CADPS: variants seen among roughly 807,000 people sequenced by gnomAD.
CADPS encodes the protein calcium dependent secretion activator.
A neutral mutation model predicts 167.3 loss-of-function variants in CADPS; 57 were observed. That is an observed-to-expected ratio of 0.34 (90% CI 0.28 to 0.42). The LOEUF is 0.42. Among genes scored for constraint, CADPS ranks in the 20% least tolerant of loss-of-function variants. The pLI, the probability that CADPS is intolerant of heterozygous loss-of-function variation, is 1.00. For missense variants in CADPS, 1,414 were observed against 1,738.1 expected (o/e 0.81, Z 3.32); for synonymous variants, 676 against 635.3 (o/e 1.06, Z -0.96).
chr3:62,677,165 G>A (rs2076458959), intron 3 of CADPS, among the ~76,000 whole-genome samples: 1 of 151,986 alleles, frequency 6.6e-6, no homozygotes, highest in South Asian at 2.1e-4. Context: ...CAAAGCTGCA[G>A]AAATTCAGGA....
At chr3:62,773,598 C>T (rs2089494107) in intron 1 of CADPS, among the ~76,000 whole-genome samples, 1 of 152,108 alleles carries the variant, frequency 6.6e-6, no homozygotes, top group Non-Finnish European at 1.5e-5. Flanking sequence ...TCCCCATGTA[C>T]TAACTGTACT....
At chr3:62,710,908 G>C (rs1250416779) in intron 3 of CADPS, among the ~76,000 whole-genome samples, 1 of 152,134 alleles carries the variant, frequency 6.6e-6, no homozygotes, top group African/African-American at 2.4e-5. Flanking sequence ...TTTAATTCCT[G>C]TCTTATGACT....
chr3:62,679,629 T>C (rs2076837349), intron 3 of CADPS, among the ~76,000 whole-genome samples: 1 of 151,930 alleles, frequency 6.6e-6, no homozygotes, highest in Non-Finnish European at 1.5e-5. Flanking sequence ...GGAGAGGAGA[T>C]TGCACTCACC....
intron 3 of CADPS, among the ~76,000 whole-genome samples, chr3:62,691,754 G>T (rs1289444084): frequency 2.0e-5 from 3 of 151,906 alleles, no homozygotes; most frequent in African/African-American, 7.3e-5. Context: ...ACATAGCAGG[G>T]CAACACACAC....
intron 9 of CADPS, 66 bp downstream of exon 9, chr3:62,570,806 A>G: frequency 9.2e-7 from 1 of 1,089,868 alleles, no homozygotes; most frequent in Non-Finnish European, 1.4e-6. Flanking sequence ...CCTCAGTTAA[A>G]AAGCATTCAT....
intron 21 of CADPS, among the ~76,000 whole-genome samples, chr3:62,483,137 G>GT (rs879256707): frequency 3.9e-4 from 60 of 151,916 alleles, no homozygotes; most frequent in Non-Finnish European, 6.5e-4. Flanking sequence ...GAGCCTTCCT[G>GT]TTTAAGTGAA....
chr3:62,645,259 C>T (rs2068295926), intron 6 of CADPS, among the ~76,000 whole-genome samples: 3 of 151,970 alleles, frequency 2.0e-5, no homozygotes, highest in East Asian at 1.9e-4. Context: ...ATATATTGCT[C>T]GGGTGATGAC....
chr3:62,665,892 A>C (rs960579822), intron 3 of CADPS, among the ~76,000 whole-genome samples: 1 of 152,202 alleles, frequency 6.6e-6, no homozygotes, highest in African/African-American at 2.4e-5. Flanking sequence ...ACGGATATAA[A>C]GGGCTTAGTC....
chr3:62,470,382 A>T (rs1383230089), intron 24 of CADPS, among the ~76,000 whole-genome samples: 2 of 152,200 alleles, frequency 1.3e-5, no homozygotes, highest in Non-Finnish European at 2.9e-5. Flanking sequence ...AAAACATTGG[A>T]CTTTCATCTA....
At chr3:62,516,314 G>A (rs1330507983) in intron 15 of CADPS, 132 bp from the exon 16 acceptor site, 2 of 1,205,780 alleles carry the variant, frequency 1.7e-6, no homozygotes, top group East Asian at 2.5e-5. Flanking sequence ...TGCTTAAAGA[G>A]AAAGCACCAG....
At chr3:62,476,175 G>C (rs2061297028) in intron 23 of CADPS, among the ~76,000 whole-genome samples, 1 of 152,150 alleles carries the variant, frequency 6.6e-6, no homozygotes, top group East Asian at 1.9e-4. Context: ...AACATGAGGA[G>C]TGCCTTATTG....
At chr3:62,597,174 C>G (rs1053988445) in intron 6 of CADPS, among the ~76,000 whole-genome samples, 1 of 151,802 alleles carries the variant, frequency 6.6e-6, no homozygotes, top group Non-Finnish European at 1.5e-5. Context: ...TTTATTTTTT[C>G]TACAAAAAAC....
At chr3:62,693,460 G>A (rs969916073) in intron 3 of CADPS, among the ~76,000 whole-genome samples, 1 of 152,014 alleles carries the variant, frequency 6.6e-6, no homozygotes, top group African/African-American at 2.4e-5. Flanking sequence ...TAAATTGATG[G>A]GAACATATTT....
chr3:62,861,512 AT>A (rs2080800678), intron 1 of CADPS, among the ~76,000 whole-genome samples: 1 of 152,168 alleles, frequency 6.6e-6, no homozygotes, highest in East Asian at 1.9e-4. Context: ...TTTTGTACAA[AT>A]CTCCCCACAA....
At chr3:62,850,985 T>C (rs1287528097) in intron 1 of CADPS, among the ~76,000 whole-genome samples, 1 of 148,458 alleles carries the variant, frequency 6.7e-6, no homozygotes. Flanking sequence ...ATATTTAGGA[T>C]AGTTAGCTCC....
chr3:62,560,808 C>T (rs2079020686), intron 9 of CADPS, among the ~76,000 whole-genome samples: 1 of 152,048 alleles, frequency 6.6e-6, no homozygotes, highest in Non-Finnish European at 1.5e-5. Context: ...GGGCTGGGCG[C>T]AGTGGCTTAC....
intron 28 of CADPS, among the ~76,000 whole-genome samples, chr3:62,427,346 G>A (rs1169542532): frequency 6.6e-6 from 1 of 152,160 alleles, no homozygotes; most frequent in Admixed American, 6.5e-5. Flanking sequence ...ATATCCTTTA[G>A]AGACAGTCAC....
chr3:62,617,020 G>A (rs2062424381), intron 6 of CADPS, among the ~76,000 whole-genome samples: 1 of 152,124 alleles, frequency 6.6e-6, no homozygotes, highest in South Asian at 2.1e-4. Context: ...TGTATGATCA[G>A]TCTCTCAATA....
intron 1 of CADPS, among the ~76,000 whole-genome samples, chr3:62,812,989 T>A (rs554782134): frequency 6.6e-6 from 1 of 151,984 alleles, no homozygotes; most frequent in African/African-American, 2.4e-5. Context: ...AATGGAAAAA[T>A]ATTCCATACT....
Sources: gnomAD v4.1 joint callset for allele counts (sites outside exome capture counted in the v4.1 genomes callset) on GRCh38, gnomAD v4.1.1 for gene constraint, MANE v1.5 for transcripts, NCBI Gene and HGNC (gene_info 2026-07-23, HGNC 2026-07-21) for gene names.